NMT2: variants seen among roughly 807,000 people sequenced by gnomAD.
The protein encoded by NMT2 is glycylpeptide N-tetradecanoyltransferase 2.
Under a neutral mutation model 65.4 loss-of-function variants are expected in NMT2, and 35 were observed. The ratio of observed to expected loss-of-function variants is 0.54; its 90% CI spans 0.41 to 0.71. The LOEUF (loss-of-function observed/expected upper bound fraction) is 0.71. NMT2 is among the 30% of genes least tolerant of loss of function. The probability of loss-of-function intolerance (pLI) is 0.00; values close to 1 mark genes in which losing one functional copy is unlikely to be tolerated. For synonymous variants in NMT2, 226 were observed against 231.8 expected (o/e 0.98, Z 0.23); for missense variants, 489 against 611.3 (o/e 0.80, Z 2.11).
At chr10:15,140,413 C>T (rs569908272) in intron 2 of NMT2, among the ~76,000 whole-genome samples, 2 of 152,194 alleles carry the variant, frequency 1.3e-5, no homozygotes, top group Admixed American at 6.5e-5. Context: ...CATGAGCCAT[C>T]GTGCCCAGCC....
intron 9 of NMT2, among the ~76,000 whole-genome samples, chr10:15,117,249 A>C (rs1845776141): frequency 6.6e-6 from 1 of 152,240 alleles, no homozygotes; most frequent in Non-Finnish European, 1.5e-5. Context: ...AACATTTGAA[A>C]ACCAATCAAT....
intron 9 of NMT2, 149 bp from the exon 10 acceptor site, chr10:15,113,112 T>A: frequency 1.3e-6 from 1 of 755,160 alleles, no homozygotes; most frequent in Non-Finnish European, 2.2e-6. Context: ...GCCCCTTATA[T>A]TGTGCTGTGT....
At chr10:15,158,896 G>A (rs895439488) in intron 1 of NMT2, among the ~76,000 whole-genome samples, 2 of 152,144 alleles carry the variant, frequency 1.3e-5, no homozygotes, top group African/African-American at 2.4e-5. Context: ...GATTCATGGG[G>A]ACTCCACCCT....
chr10:15,130,583 G>A (rs1266771855), intron 6 of NMT2, among the ~76,000 whole-genome samples: 1 of 151,504 alleles, frequency 6.6e-6, no homozygotes, highest in African/African-American at 2.4e-5. Flanking sequence ...GCATGCATGT[G>A]GTCCCAGCTA....
intron 1 of NMT2, among the ~76,000 whole-genome samples, chr10:15,165,455 A>G (rs73587610): frequency 2.5e-3 from 377 of 152,312 alleles, no homozygotes; most frequent in African/African-American, 8.5e-3. Context: ...GAAAATAATA[A>G]AATTATACTT....
intron 9 of NMT2, among the ~76,000 whole-genome samples, chr10:15,117,789 C>T (rs1845793576): frequency 6.6e-6 from 1 of 152,056 alleles, no homozygotes; most frequent in African/African-American, 2.4e-5. Flanking sequence ...TATAATCGCC[C>T]CAAAGAAAGT....
intron 7 of NMT2, among the ~76,000 whole-genome samples, chr10:15,129,316 T>C (rs965917962): frequency 6.6e-6 from 1 of 152,186 alleles, no homozygotes; most frequent in African/African-American, 2.4e-5. Context: ...TTCATCCTAT[T>C]TGAGTCAATA....
chr10:15,138,004 C>CTTTTTTTTTTTTTTTTTTT (rs374744946), intron 2 of NMT2, among the ~76,000 whole-genome samples: 1 of 128,140 alleles, frequency 7.8e-6, no homozygotes, highest in African/African-American at 2.9e-5. Flanking sequence ...TCTTCTTCTT[C>CTTTTTTTTTTTTTTTTTTT]TTTTTTTTTT....
At chr10:15,155,242 C>T in intron 1 of NMT2, 1 of 1,500,714 alleles carries the variant, frequency 6.7e-7, no homozygotes, top group East Asian at 2.3e-5. Flanking sequence ...GGAAACTTGT[C>T]TGCAAACAGT....
In NMT2 at chr10:15,106,899, A is replaced by ACAT. The variant is rs1845322331; in HGVS notation, c.*2295_*2296insATG. Among the ~76,000 whole-genome samples, 1 of 152,200 alleles carries ACAT rather than the reference A, an allele frequency of 6.6e-6. No individual in the cohort carries two copies. The highest frequency in any genetic ancestry group is 2.4e-5 in the African/African-American group (1 of 41,452). ...AAGGATCACTTGAGGCCAGGAGTTAAAGACCAGCACGGGAAACATAGCAAG... is the reference window on the plus strand; with the variant it reads ...AAGGATCACTTGAGGCCAGGAGTTAACATAGACCAGCACGGGAAACATAGCAAG... On this transcript the variant is annotated 3_prime_UTR_variant, in exon 12 of 12. Transcript: ENST00000378165.
chr10:15,151,744 G>C (rs910741606), intron 1 of NMT2, among the ~76,000 whole-genome samples: 1 of 152,220 alleles, frequency 6.6e-6, no homozygotes, highest in African/African-American at 2.4e-5. Context: ...AAAAAAGTTG[G>C]CTGGGTGTGG....
chr10:15,133,215 G>A, intron 4 of NMT2, 30 bp downstream of exon 4: 2 of 1,601,594 alleles, frequency 1.2e-6, no homozygotes, highest in Non-Finnish European at 1.7e-6. Context: ...GAATGCAGGA[G>A]TTGAATTTAA....
At chr10:15,159,772 C>A (rs1288118889) in intron 1 of NMT2, among the ~76,000 whole-genome samples, 2 of 152,206 alleles carry the variant, frequency 1.3e-5, no homozygotes, top group Admixed American at 6.5e-5. Context: ...GCTACACACA[C>A]ATTAAGCAAC....
At position 15,158,396 on chromosome 10, in the gene NMT2, T is replaced by C. The variant is rs142197111; in HGVS notation, c.110+10107A>G. Among the ~76,000 whole-genome samples, 401 of 151,740 alleles carry C rather than the reference T, an allele frequency of 2.6e-3. 1 individual carries two copies. The highest frequency in any genetic ancestry group is 4.2e-3 in the Non-Finnish European group (285 of 67,932). Reference sequence around the variant, plus strand: ...TACCATTTAAAAATGTTGGGCCCTATATAGCAGACCAAAACTAAAAACTCT... The same window carrying C: ...TACCATTTAAAAATGTTGGGCCCTACATAGCAGACCAAAACTAAAAACTCT... On this transcript the variant is annotated intron_variant, in intron 1 of 11. Coordinates refer to ENST00000378165, the MANE Select transcript of NMT2 (RefSeq NM_004808.3).
intron 1 of NMT2, among the ~76,000 whole-genome samples, chr10:15,167,412 C>A (rs984141096): frequency 2.0e-5 from 3 of 152,184 alleles, no homozygotes; most frequent in Non-Finnish European, 2.9e-5. Context: ...AATGATCAAT[C>A]ATTTCAAGAA....
At chr10:15,112,683 TA>T in intron 10 of NMT2, 112 bp downstream of exon 10, 1 of 1,046,712 alleles carries the variant, frequency 9.6e-7, no homozygotes. Flanking sequence ...ATAGTTTTTT[TA>T]AAGTCTCGCA....
At chr10:15,126,107 G>A (rs1187146318) in intron 8 of NMT2, among the ~76,000 whole-genome samples, 3 of 151,974 alleles carry the variant, frequency 2.0e-5, no homozygotes, top group South Asian at 2.1e-4. Context: ...GTGTGGGCAG[G>A]ACCTGTGATT....
intron 9 of NMT2, among the ~76,000 whole-genome samples, chr10:15,113,463 C>CAAAAAAAAA (rs1169255963): frequency 1.4e-3 from 52 of 36,954 alleles, no homozygotes; most frequent in Non-Finnish European, 1.7e-3. Flanking sequence ...GGATGAGACT[C>CAAAAAAAAA]AAAAAAAAAA....
At chr10:15,127,560 A>T (rs866007547) in intron 8 of NMT2, among the ~76,000 whole-genome samples, 22 of 95,130 alleles carry the variant, frequency 2.3e-4, no homozygotes, top group African/African-American at 3.9e-4. Flanking sequence ...AAAAAAAAAA[A>T]AAAAAAAAAA....
Sources: allele counts gnomAD v4.1 joint callset (sites outside exome capture counted in the v4.1 genomes callset), GRCh38; gene constraint gnomAD v4.1.1; transcripts MANE v1.5; gene names NCBI Gene and HGNC (gene_info 2026-07-23, HGNC 2026-07-21).